Variants in ANKS1B observed in about 807,000 individuals in gnomAD.
ANKS1B encodes ankyrin repeat and sterile alpha motif domain-containing protein 1B.
ANKS1B carries 36 observed loss-of-function variants against 148.3 expected under a neutral mutation model. The ratio of observed to expected loss-of-function variants is 0.24; its 90% CI spans 0.19 to 0.32. ANKS1B has a LOEUF of 0.32. ANKS1B is among the 10% of genes least tolerant of loss of function. The probability of loss-of-function intolerance (pLI) is 1.00; values close to 1 mark genes in which losing one functional copy is unlikely to be tolerated. For missense variants in ANKS1B, 1,157 were observed against 1,542.6 expected (o/e 0.75, Z 4.19); for synonymous variants, 542 against 560.8 (o/e 0.97, Z 0.47).
intron 8 of ANKS1B, among the ~76,000 whole-genome samples, chr12:99,678,522 C>A (rs2098595271): frequency 6.6e-6 from 1 of 152,150 alleles, no homozygotes; most frequent in Non-Finnish European, 1.5e-5. Flanking sequence ...TAACCACAAG[C>A]AAGGAGAGAA....
chr12:98,844,046 T>G (rs2099428913), intron 17 of ANKS1B, among the ~76,000 whole-genome samples: 1 of 152,130 alleles, frequency 6.6e-6, no homozygotes. Context: ...CATTGATCTC[T>G]CCTTAATTAA....
At chr12:98,970,751 C>T (rs554246576) in intron 17 of ANKS1B, among the ~76,000 whole-genome samples, 8 of 152,226 alleles carry the variant, frequency 5.3e-5, no homozygotes, top group South Asian at 2.1e-4. Flanking sequence ...CTTCTCCATG[C>T]GACTAATGAT....
At chr12:99,270,508 T>A (rs1384700422) in intron 12 of ANKS1B, among the ~76,000 whole-genome samples, 1 of 152,216 alleles carries the variant, frequency 6.6e-6, no homozygotes, top group African/African-American at 2.4e-5. Flanking sequence ...GTAAGATTTA[T>A]GGAGGTAAGG....
chr12:99,858,580 T>G (rs1296592461), intron 1 of ANKS1B, among the ~76,000 whole-genome samples: 1 of 152,132 alleles, frequency 6.6e-6, no homozygotes. Context: ...CACACTGATG[T>G]TTATAGCAGC....
chr12:99,150,882 G>T (rs374494396), intron 15 of ANKS1B, among the ~76,000 whole-genome samples: 3 of 152,026 alleles, frequency 2.0e-5, no homozygotes, highest in East Asian at 3.9e-4. Context: ...CTTCTGAGGG[G>T]ATAAACAGGT....
intron 9 of ANKS1B, among the ~76,000 whole-genome samples, chr12:99,572,054 C>T (rs1425225157): frequency 2.6e-5 from 4 of 151,984 alleles, no homozygotes; most frequent in Non-Finnish European, 5.9e-5. Context: ...GATGTGATAA[C>T]GATCAGGAAA....
intron 1 of ANKS1B, among the ~76,000 whole-genome samples, chr12:99,976,436 GA>G (rs967580627): frequency 1.3e-5 from 2 of 151,986 alleles, no homozygotes; most frequent in South Asian, 4.2e-4. Context: ...GTAGTAATTA[GA>G]AAAAAACGCT....
At chr12:98,770,576 T>G (rs1318623657) in intron 25 of ANKS1B, among the ~76,000 whole-genome samples, 1 of 152,132 alleles carries the variant, frequency 6.6e-6, no homozygotes. Context: ...CAGACTACTT[T>G]TATATCACTC....
intron 11 of ANKS1B, among the ~76,000 whole-genome samples, chr12:99,434,556 A>C (rs903696516): frequency 5.3e-5 from 8 of 152,128 alleles, no homozygotes; most frequent in African/African-American, 1.9e-4. Context: ...CCATTTTAAT[A>C]ACCACATTTA....
At chr12:99,601,608 C>T (rs2097800846) in intron 9 of ANKS1B, among the ~76,000 whole-genome samples, 1 of 152,062 alleles carries the variant, frequency 6.6e-6, no homozygotes, top group East Asian at 1.9e-4. Flanking sequence ...ACGGTCAACA[C>T]TCTTATAATA....
At chr12:98,994,755 C>T (rs1488827850) in intron 17 of ANKS1B, among the ~76,000 whole-genome samples, 1 of 152,134 alleles carries the variant, frequency 6.6e-6, no homozygotes, top group East Asian at 1.9e-4. Context: ...ACGGACTTCC[C>T]TCTGAGCATG....
chr12:99,383,156 A>T (rs1375592977), intron 12 of ANKS1B, among the ~76,000 whole-genome samples: 1 of 152,212 alleles, frequency 6.6e-6, no homozygotes, highest in Non-Finnish European at 1.5e-5. Context: ...GTGAACATGG[A>T]AACATACAAA....
At chr12:99,350,107 T>C (rs2091235750) in intron 12 of ANKS1B, among the ~76,000 whole-genome samples, 1 of 152,022 alleles carries the variant, frequency 6.6e-6, no homozygotes, top group Admixed American at 6.6e-5. Flanking sequence ...CCTTTGGTGC[T>C]GTTCTCATGA....
At chr12:99,797,876 G>A (rs1042900049) in intron 4 of ANKS1B, among the ~76,000 whole-genome samples, 16 of 152,092 alleles carry the variant, frequency 1.1e-4, no homozygotes, top group African/African-American at 3.6e-4. Context: ...AGAAGATGAC[G>A]TTCATGTTTA....
chr12:99,766,367 G>T (rs920787560), intron 8 of ANKS1B, among the ~76,000 whole-genome samples: 2 of 152,106 alleles, frequency 1.3e-5, no homozygotes, highest in South Asian at 4.1e-4. Context: ...TGTGCTAGAA[G>T]TTCAGAAAAA....
intron 14 of ANKS1B, among the ~76,000 whole-genome samples, chr12:99,158,364 G>T (rs1171174456): frequency 1.3e-5 from 2 of 152,118 alleles, no homozygotes; most frequent in South Asian, 2.1e-4. Context: ...ATTATTCTGG[G>T]CTACCATGTC....
At chr12:99,430,662 G>A (rs1050321547) in intron 11 of ANKS1B, among the ~76,000 whole-genome samples, 2 of 152,096 alleles carry the variant, frequency 1.3e-5, no homozygotes, top group African/African-American at 4.8e-5. Context: ...AACGACATTG[G>A]GGAAGGAACT....
intron 16 of ANKS1B, among the ~76,000 whole-genome samples, chr12:99,063,977 C>T (rs557803241): frequency 3.9e-5 from 6 of 152,210 alleles, no homozygotes; most frequent in Admixed American, 1.3e-4. Context: ...AAACATAAAC[C>T]CTCAGAAGTA....
intron 17 of ANKS1B, among the ~76,000 whole-genome samples, chr12:98,847,374 G>A (rs568562802): frequency 6.6e-6 from 1 of 152,102 alleles, no homozygotes; most frequent in Admixed American, 6.5e-5. Flanking sequence ...TGCTTTCTGT[G>A]CCTGGCTTAT....
Sources: gnomAD v4.1 joint callset for allele counts (sites outside exome capture counted in the v4.1 genomes callset) on GRCh38, gnomAD v4.1.1 for gene constraint, MANE v1.5 for transcripts, NCBI Gene and HGNC (gene_info 2026-07-23, HGNC 2026-07-21) for gene names.